DNASE1: variants seen among roughly 807,000 people sequenced by gnomAD.
The protein encoded by DNASE1 is deoxyribonuclease-1.
DNASE1 carries 40 observed loss-of-function variants against 33.9 expected under a neutral mutation model. The observed-to-expected ratio is 1.18, with a 90% confidence interval of 0.92 to 1.54. The LOEUF is 1.54. Ranked by LOEUF, DNASE1 falls within the 40% of genes most tolerant of loss-of-function variation. The pLI, the probability that DNASE1 is intolerant of heterozygous loss-of-function variation, is 0.00. For missense variants in DNASE1, 518 were observed against 372.6 expected, an observed-to-expected ratio of 1.39 and a Z score of -3.21; for synonymous variants, 216 against 160.0, an observed-to-expected ratio of 1.35 and a Z score of -2.64.
chr16:3,619,956 C>T (rs948777226), intron 1 of DNASE1, among the ~76,000 whole-genome samples: 1 of 148,094 alleles, frequency 6.8e-6, no homozygotes, highest in Non-Finnish European at 1.5e-5. Flanking sequence ...TGCTCTGTCA[C>T]CTAGGCTGGA....
intron 1 of DNASE1, 147 bp from the exon 2 acceptor site, chr16:3,655,226 G>A: frequency 8.7e-7 from 1 of 1,149,540 alleles, no homozygotes; most frequent in Non-Finnish European, 1.2e-6. Flanking sequence ...TGGCTTTCTG[G>A]ACGTTGTAGG....
upstream of DNASE1, among the ~76,000 whole-genome samples, chr16:3,642,091 C>T (rs1475434600): frequency 6.6e-6 from 1 of 152,182 alleles, no homozygotes; most frequent in African/African-American, 2.4e-5. Context: ...CACAGAGTTC[C>T]TGCTGGGCTC....
At chr16:3,663,455 G>C (rs2050738147) in exon 10 of DNASE1, 2 of 1,614,156 alleles carry the variant, frequency 1.2e-6, no homozygotes, top group African/African-American at 1.3e-5. Context: ...TCTCCTCCTT[G>C]TAGTGATCCA....
chr16:3,612,526 C>G (rs1484666422), intron 1 of DNASE1, among the ~76,000 whole-genome samples: 1 of 144,162 alleles, frequency 6.9e-6, no homozygotes, highest in East Asian at 2.1e-4. Context: ...GGTGGGATTA[C>G]AGGCGTGAGC....
chr16:3,665,310 G>C (rs755646700), exon 10 of DNASE1: 1 of 152,244 alleles, frequency 6.6e-6, no homozygotes, highest in Non-Finnish European at 1.5e-5. Flanking sequence ...GCACGGGATG[G>C]GCTCCTGGGA....
intron 1 of DNASE1, among the ~76,000 whole-genome samples, chr16:3,613,314 T>C (rs1380016559): frequency 6.6e-6 from 1 of 152,270 alleles, no homozygotes; most frequent in Non-Finnish European, 1.5e-5. Context: ...GCATGCCTTT[T>C]CATGGCTGCA....
At chr16:3,640,811 C>CT (rs1478835699), upstream of DNASE1, 1 of 398,550 alleles carries the variant, frequency 2.5e-6, no homozygotes, top group African/African-American at 2.1e-5. Flanking sequence ...TTGCATGTCA[C>CT]TAGCTTCCTG....
intron 1 of DNASE1, among the ~76,000 whole-genome samples, chr16:3,635,247 C>T (rs2041832648): frequency 3.3e-5 from 5 of 151,954 alleles, no homozygotes; most frequent in Admixed American, 3.3e-4. Flanking sequence ...CGCTTGAGGT[C>T]AGGAGTTCAA....
At chr16:3,636,118 C>G (rs2041860865) in intron 1 of DNASE1, among the ~76,000 whole-genome samples, 1 of 151,858 alleles carries the variant, frequency 6.6e-6, no homozygotes. Context: ...TCTGTTCCAT[C>G]TTGTTCATTC....
At chr16:3,633,595 C>A (rs1000722973) in intron 1 of DNASE1, among the ~76,000 whole-genome samples, 2 of 147,286 alleles carry the variant, frequency 1.4e-5, no homozygotes, top group African/African-American at 5.0e-5. Flanking sequence ...TTGACAAGAG[C>A]GAGACTCCAT....
chr16:3,649,549 TGAA>T (rs1483683855), intron 1 of DNASE1, among the ~76,000 whole-genome samples: 5 of 152,234 alleles, frequency 3.3e-5, no homozygotes, highest in African/African-American at 4.8e-5. Flanking sequence ...TGGTGAATGA[TGAA>T]GGATAGAAAA....
At chr16:3,656,505 G>A (rs1018309667) in intron 4 of DNASE1, 133 bp from the exon 5 acceptor site, 80 of 676,296 alleles carry the variant, frequency 1.2e-4, no homozygotes, top group Middle Eastern at 3.8e-4. Flanking sequence ...CCTGGGTCCC[G>A]GACCAATGGG....
chr16:3,628,541 A>T (rs1480592090), intron 1 of DNASE1, among the ~76,000 whole-genome samples: 1 of 151,600 alleles, frequency 6.6e-6, no homozygotes, highest in Non-Finnish European at 1.5e-5. Flanking sequence ...TGTTCATTCA[A>T]TGTGCATTTC....
At chr16:3,620,082 A>AT (rs1162341132) in intron 1 of DNASE1, among the ~76,000 whole-genome samples, 1 of 151,922 alleles carries the variant, frequency 6.6e-6, no homozygotes, top group Admixed American at 6.6e-5. Flanking sequence ...CGCCTGGCCA[A>AT]TTTTTGTATT....
intron 1 of DNASE1, among the ~76,000 whole-genome samples, chr16:3,632,760 A>G (rs1003627803): frequency 2.0e-5 from 3 of 151,732 alleles, no homozygotes; most frequent in Non-Finnish European, 4.4e-5. Context: ...TAATTTTTGT[A>G]TTTTTAGTAA....
At chr16:3,612,207 G>T (rs1463660308) in intron 1 of DNASE1, among the ~76,000 whole-genome samples, 1 of 151,442 alleles carries the variant, frequency 6.6e-6, no homozygotes, top group Non-Finnish European at 1.5e-5. Context: ...TCGTATTAAG[G>T]GTTTGAGCTT....
chr16:3,655,923 G>A lies in DNASE1; in HGVS notation c.222G>A (p.Leu74=), dbSNP rs767130777. 6.2e-7 allele frequency: 1 copy of A among 1,614,062 alleles called. No individual in the cohort carries two copies. Among genetic ancestry groups the A allele is most frequent in the Non-Finnish European group, 8.5e-7 (1 of 1,180,012 alleles). ...DSHLTAVGKL[L]DNLNQDAPDT... is the part of the protein sequence containing the mutation. ...ACCTGACTGCCGTGGGGAAGCTGCT[G>A]GACAACCTCAATCAGTGGGTGACAG... Residue 74 remains leucine, a synonymous_variant, in exon 3 of 9, where the codon CTG becomes CTA. Coordinates refer to ENST00000246949, the MANE Select transcript of DNASE1 (RefSeq NM_005223.4).
upstream of DNASE1, chr16:3,653,337 C>CT (rs2042402516): frequency 6.6e-6 from 1 of 152,212 alleles, no homozygotes; most frequent in Non-Finnish European, 1.5e-5. Context: ...GGATCCATTT[C>CT]TGTTATTTTA....
upstream of DNASE1, chr16:3,653,068 T>A (rs1387024728): frequency 1.3e-5 from 2 of 152,214 alleles, no homozygotes; most frequent in Non-Finnish European, 2.9e-5. Flanking sequence ...AAAAAAGGAC[T>A]TGCAGATGTG....
Sources: allele counts gnomAD v4.1 joint callset (sites outside exome capture counted in the v4.1 genomes callset), GRCh38; gene constraint gnomAD v4.1.1; transcripts MANE v1.5; gene names NCBI Gene and HGNC (gene_info 2026-07-23, HGNC 2026-07-21).